The following ATP5PB variants were observed in gnomAD, a reference collection of about 807,000 sequenced individuals.
ATP5PB encodes the protein ATP synthase peripheral stalk subunit b, mitochondrial.
In ATP5PB, 21 loss-of-function variants were observed where a neutral mutation model predicts 34.5. The ratio of observed to expected loss-of-function variants is 0.61; its 90% confidence interval spans 0.43 to 0.88. The LOEUF (loss-of-function observed/expected upper bound fraction) is 0.88. Ranked by LOEUF, ATP5PB falls within the 40% of genes least tolerant of loss-of-function variation. The probability of loss-of-function intolerance (pLI) is 0.00; values close to 1 mark genes in which losing one functional copy is unlikely to be tolerated. For synonymous variants in ATP5PB, 108 were observed against 114.1 expected (o/e 0.95, Z 0.34); for missense variants, 293 against 317.4 (o/e 0.92, Z 0.58).
rs544122962 is a variant in ATP5PB at position 111,450,758 on chromosome 1, C to T, written c.77+885C>T. Among the ~76,000 whole-genome samples, 17 of 152,182 alleles carry T rather than the reference C, an allele frequency of 1.1e-4. No individual in the cohort carries two copies. In the South Asian group the frequency reaches 3.3e-3, roughly 30 times the overall value. On this transcript the variant is annotated intron_variant, in intron 2 of 6. Coordinates refer to ENST00000369722, the MANE Select transcript of ATP5PB (RefSeq NM_001688.5). ...AAAAAAATGGACTTGAAAAAGTGGT[C>T]TTATCTATAATTAAGTCTCATGTAT...
chr1:111,460,509 A>G (rs1653590846), intron 6 of ATP5PB, among the ~76,000 whole-genome samples: 1 of 151,918 alleles, frequency 6.6e-6, no homozygotes, highest in Non-Finnish European at 1.5e-5. Context: ...TAGAAAATAC[A>G]AAAGAAGTCT....
chr1:111,452,907 T>TAGTG, intron 2 of ATP5PB, among the ~76,000 whole-genome samples: 1 of 152,266 alleles, frequency 6.6e-6, no homozygotes, highest in African/African-American at 2.4e-5. Flanking sequence ...AGTTCAAACG[T>TAGTG]CGGTAGTGCT....
rs1012211520 is a variant in ATP5PB, at chr1:111,461,595, C to G, written c.*601C>G. ...TTATGGACTCAGAGTGTCATAAAAT[C>G]ACTCTTAAGAATCCATGCAGCAGGC... On this transcript the variant is annotated 3_prime_UTR_variant, in exon 7 of 7. Coordinates refer to ENST00000369722, the MANE Select transcript of ATP5PB (RefSeq NM_001688.5). The G allele has an allele frequency of 1.3e-5, 2 of 152,178 alleles. No homozygotes were observed. Among genetic ancestry groups the G allele is most frequent in the African/African-American group, 4.8e-5 (2 of 41,412 alleles). 9.4% of individuals were successfully genotyped at this position (152,178 alleles called of 1,614,324 possible).
intron 6 of ATP5PB, 87 bp downstream of exon 6, chr1:111,459,723 G>GCAAGGAGT (rs1653566378): frequency 1.4e-6 from 2 of 1,413,006 alleles, no homozygotes; most frequent in African/African-American, 2.9e-5. Context: ...GGAATAGCTG[G>GCAAGGAGT]CAAGGAGTCT....
chr1:111,457,260 C>T (rs1367253535), intron 5 of ATP5PB, among the ~76,000 whole-genome samples: 2 of 151,940 alleles, frequency 1.3e-5, no homozygotes, highest in African/African-American at 4.8e-5. Context: ...CTGGAGTTAG[C>T]TGTGATCCCA....
chr1:111,456,552 T>G, intron 4 of ATP5PB, 78 bp from the exon 5 acceptor site: 1 of 1,529,028 alleles, frequency 6.5e-7, no homozygotes, highest in South Asian at 1.3e-5. Flanking sequence ...TATACAACTT[T>G]GAAGAAGCAT....
chr1:111,456,494 T>C, intron 4 of ATP5PB, 136 bp from the exon 5 acceptor site: 2 of 1,251,110 alleles, frequency 1.6e-6, no homozygotes, highest in East Asian at 5.4e-5. Flanking sequence ...TTTTAAGGAT[T>C]TGTGCGTTTC....
Position 111,456,104 on chromosome 1 carries a change from C to G in ATP5PB, c.242C>G (p.Thr81Ser). 6.3e-7 allele frequency: 1 copy of G among 1,596,946 alleles called. No individual in the cohort carries two copies. Residue 81 changes from threonine to serine, a missense_variant, in exon 4 of 7, where the codon ACT (threonine) becomes AGT (serine). Thr to Ser is a moderately conservative substitution (Grantham distance 58). Coordinates refer to ENST00000369722, the MANE Select transcript of ATP5PB (RefSeq NM_001688.5). ...CTTTTAGGACCCTATGTACTCGGAA[C>G]TGGGCTTATCTTGTACGCTTTATCC... ...TGVTGPYVLGTGLILYALSKE... is the reference protein window; with the variant it reads ...TGVTGPYVLGSGLILYALSKE...
chr1:111,457,066 A>G (rs187625430), intron 5 of ATP5PB, among the ~76,000 whole-genome samples: 60 of 152,362 alleles, frequency 3.9e-4, no homozygotes, highest in African/African-American at 1.3e-3. Flanking sequence ...AAGACTAGGT[A>G]AAATACATCC....
intron 4 of ATP5PB, 71 bp downstream of exon 4, chr1:111,456,320 A>G: frequency 2.1e-6 from 3 of 1,430,626 alleles, no homozygotes; most frequent in Non-Finnish European, 2.8e-6. Flanking sequence ...GATATTTTTG[A>G]TATGAGTGTT....
At chr1:111,453,957 A>G (rs552437218) in intron 2 of ATP5PB, among the ~76,000 whole-genome samples, 1 of 152,356 alleles carries the variant, frequency 6.6e-6, no homozygotes, top group Non-Finnish European at 1.5e-5. Flanking sequence ...AAAGTGCTAG[A>G]CAGATGATCT....
rs1653410242 is a variant in ATP5PB, at chr1:111,454,313, T to G, written c.180T>G (p.Pro60=). The G allele has an allele frequency of 6.2e-7, 1 of 1,611,302 alleles. No homozygotes were observed. The highest frequency in any genetic ancestry group is 2.2e-5 in the East Asian group (1 of 44,644). The change falls in exon 3 of 7, where the codon CCT becomes CCG. Residue 60 remains proline, a synonymous_variant. Coordinates refer to ENST00000369722, the MANE Select transcript of ATP5PB (RefSeq NM_001688.5). The stretch of plus-strand genomic sequence containing the variant: ...GAAAAGTTCGTTATGGACTGATCCC[T>G]GAGGAATTCTTCCAGTTTCTTTATC... ...YGGKVRYGLI[P]EEFFQFLYPK...
At chr1:111,452,191 G>C (rs1392112810) in intron 2 of ATP5PB, among the ~76,000 whole-genome samples, 1 of 152,042 alleles carries the variant, frequency 6.6e-6, no homozygotes, top group Non-Finnish European at 1.5e-5. Flanking sequence ...GCAGGAGAGA[G>C]CCTGTTGAGT....
In ATP5PB at chr1:111,449,869, C is replaced by T. The variant is rs767877355; in HGVS notation, c.73C>T (p.Pro25Ser). The change falls in exon 2 of 7, where the codon CCA becomes TCA. Residue 25 changes from proline to serine, a missense_variant. Pro to Ser is a moderately conservative substitution (Grantham distance 74). Transcript: ENST00000369722. Reference protein sequence around the residue: ...PSLKNAAFLGPGVLQATRTFH... With the variant: ...PSLKNAAFLGSGVLQATRTFH... ...TCTGAAGAATGCAGCCTTCCTAGGT[C>T]CAGGGTAAGTGTGAGGATAATGCTC... 1 of 1,614,146 alleles carries T rather than the reference C, an allele frequency of 6.2e-7. No individual in the cohort carries two copies. The highest frequency in any genetic ancestry group is 1.1e-5 in the South Asian group (1 of 91,076).
intron 2 of ATP5PB, 68 bp downstream of exon 2, chr1:111,449,941 C>T (rs1653266258): frequency 6.3e-7 from 1 of 1,597,168 alleles, no homozygotes. Context: ...ATTCCTGCCC[C>T]CACCCCCTTA....
At chr1:111,449,971 T>C (rs558459387) in intron 2 of ATP5PB, 98 bp downstream of exon 2, 237 of 1,513,362 alleles carry the variant, frequency 1.6e-4, no homozygotes, top group Non-Finnish European at 2.0e-4. Context: ...CAGAAATTTC[T>C]TTCCGATAAT....
intron 1 of ATP5PB, 78 bp downstream of exon 1, chr1:111,449,659 AG>A: frequency 6.4e-7 from 1 of 1,555,652 alleles, no homozygotes; most frequent in Admixed American, 1.8e-5. Flanking sequence ...GGAGGGGAGA[AG>A]GGCGCAGCGA....
intron 4 of ATP5PB, 152 bp downstream of exon 4, chr1:111,456,401 AT>A (rs1653473276): frequency 5.5e-6 from 6 of 1,098,522 alleles, no homozygotes; most frequent in Non-Finnish European, 7.4e-6. Context: ...ATTTGAGATA[AT>A]TTTTTTATAT....
At chr1:111,455,498 A>G (rs1653446379) in intron 3 of ATP5PB, among the ~76,000 whole-genome samples, 1 of 152,208 alleles carries the variant, frequency 6.6e-6, no homozygotes, top group Non-Finnish European at 1.5e-5. Context: ...AAATAAATGT[A>G]AATCATGGTT....
Sources: gnomAD v4.1 joint callset for allele counts (sites outside exome capture counted in the v4.1 genomes callset) on GRCh38, gnomAD v4.1.1 for gene constraint, MANE v1.5 for transcripts, NCBI Gene and HGNC (gene_info 2026-07-23, HGNC 2026-07-21) for gene names.